STAM: variants seen among roughly 807,000 people sequenced by gnomAD.
STAM encodes signal transducing adapter molecule 1.
Under a neutral mutation model 63.4 loss-of-function variants are expected in STAM, and 16 were observed. That is an observed-to-expected ratio of 0.25 (90% CI 0.17 to 0.38). The LOEUF (loss-of-function observed/expected upper bound fraction) is 0.38, where lower values mean the gene tolerates loss of function less well. Among genes scored for constraint, STAM ranks in the 10% least tolerant of loss-of-function variants. The pLI is 1.00. For synonymous variants in STAM, 238 were observed against 223.9 expected (o/e 1.06, Z -0.56); for missense variants, 636 against 657.1 (o/e 0.97, Z 0.35).
rs143028815 is a variant in STAM at position 17,704,465 on chromosome 10, G to A, written c.947G>A (p.Ser316Asn). ...KMDQLLQMLQ[S>N]TDPSDDQPDL... ...GACCAGTTGCTACAGATGCTGCAAA[G>A]TACAGACCCCAGTGATGATCAGCCA... The change falls in exon 10 of 14, where the codon AGT becomes AAT. Residue 316 changes from serine (S) to asparagine (N), a missense_variant. Coordinates refer to ENST00000377524, the MANE Select transcript of STAM (RefSeq NM_003473.4). 3.5e-5 allele frequency: 57 copies of A among 1,614,016 alleles called. 1 individual carries two copies. The highest frequency in any genetic ancestry group is 4.6e-5 in the Non-Finnish European group (54 of 1,180,010).
At chr10:17,653,505 T>C (rs1049216542) in intron 1 of STAM, among the ~76,000 whole-genome samples, 7 of 152,192 alleles carry the variant, frequency 4.6e-5, no homozygotes, top group South Asian at 2.1e-4. Flanking sequence ...GCACAGAAGC[T>C]TTATGTTTGG....
intron 1 of STAM, among the ~76,000 whole-genome samples, chr10:17,647,020 T>A (rs1833545341): frequency 6.6e-6 from 1 of 152,216 alleles, no homozygotes; most frequent in African/African-American, 2.4e-5. Flanking sequence ...AGAGACACAA[T>A]GCTGGTGATA....
chr10:17,652,289 G>GCCA (rs1833771518), intron 1 of STAM, among the ~76,000 whole-genome samples: 1 of 152,054 alleles, frequency 6.6e-6, no homozygotes, highest in African/African-American at 2.4e-5. Context: ...GAAGAATTGT[G>GCCA]CCACTGATTT....
rs782735787 is a variant in STAM, at chr10:17,644,166, C to A, written c.-174C>A. 1.0e-5 allele frequency: 7 copies of A among 671,280 alleles called. No individual in the cohort carries two copies. The highest frequency in any genetic ancestry group is 2.9e-5 in the East Asian group (1 of 35,054). The allele number at this position is 671,280 out of a possible 1,614,324, so 41.6% of individuals were successfully genotyped here. A position where few individuals can be genotyped will look rare whatever the true frequency, so the allele number is the denominator to read the frequency against. On this transcript the variant is annotated 5_prime_UTR_variant, in exon 1 of 14. Transcript: ENST00000377524. ...TTCCTCGGCTCCTTGCTGTTGCCGC[C>A]GCCGCAGCTGCTGCCGCGGTTGGTG... is the stretch of plus-strand genomic sequence containing the variant.
In STAM at chr10:17,700,237, A is replaced by C. The variant is rs782655705; in HGVS notation, c.870A>C (p.Val290=). 137 of 1,610,852 alleles carry C rather than the reference A, an allele frequency of 8.5e-5. No individual in the cohort carries two copies. Among genetic ancestry groups the C allele is most frequent in the Non-Finnish European group, 1.1e-4 (135 of 1,178,394 alleles). ...KTVQFSDDVQ[V]ETIEPEPEPA... ...TACAATTTAGTGATGATGTTCAGGT[A>C]GAGACAATAGAACCAGAGCCGGAAC... Residue 290 remains valine (V), a synonymous_variant, in exon 9 of 14, where the codon GTA becomes GTC. Coordinates refer to ENST00000377524, the MANE Select transcript of STAM (RefSeq NM_003473.4).
chr10:17,695,375 C>T, intron 7 of STAM, 134 bp downstream of exon 7: 1 of 769,348 alleles, frequency 1.3e-6, no homozygotes, highest in Non-Finnish European at 1.9e-6. Context: ...TGACAGTTGG[C>T]TGATTTGCTT....
At chr10:17,700,672 A>G (rs61842348) in intron 9 of STAM, among the ~76,000 whole-genome samples, 14,267 of 150,630 alleles carry the variant, frequency 0.095, 729 homozygotes, top group Middle Eastern at 0.16. Context: ...GGATTTGTGT[A>G]TTTTCCATGT....
chr10:17,703,785 TAGAA>T (rs201864009), intron 9 of STAM, among the ~76,000 whole-genome samples: 2,907 of 152,068 alleles, frequency 0.019, 30 homozygotes, highest in Middle Eastern at 0.027. Flanking sequence ...GAAACACTGG[TAGAA>T]AGAAAATGTG....
At chr10:17,664,380 C>T (rs1834294540) in intron 2 of STAM, among the ~76,000 whole-genome samples, 1 of 152,122 alleles carries the variant, frequency 6.6e-6, no homozygotes, top group South Asian at 2.1e-4. Flanking sequence ...ACTTATCCAT[C>T]ATCCCAAACT....
At chr10:17,654,619 A>G (rs1229527761) in intron 1 of STAM, among the ~76,000 whole-genome samples, 1 of 152,120 alleles carries the variant, frequency 6.6e-6, no homozygotes, top group African/African-American at 2.4e-5. Context: ...GAGCACTTAG[A>G]CTGAGAGCAT....
At chr10:17,661,233 G>A (rs1475438735) in intron 2 of STAM, among the ~76,000 whole-genome samples, 1 of 152,190 alleles carries the variant, frequency 6.6e-6, no homozygotes, top group Non-Finnish European at 1.5e-5. Context: ...TTAGCCTTTA[G>A]CAGTTTCATT....
At chr10:17,665,248 T>A (rs1395251414) in intron 2 of STAM, among the ~76,000 whole-genome samples, 1 of 152,170 alleles carries the variant, frequency 6.6e-6, no homozygotes, top group East Asian at 1.9e-4. Context: ...CATATACATA[T>A]GCATATGCAT....
intron 1 of STAM, among the ~76,000 whole-genome samples, chr10:17,655,236 G>T (rs1445491506): frequency 6.6e-6 from 1 of 152,172 alleles, no homozygotes; most frequent in Non-Finnish European, 1.5e-5. Flanking sequence ...GCGTGGACTA[G>T]AAGGCTATTC....
At chr10:17,668,761 TA>T (rs1554823721) in intron 2 of STAM, among the ~76,000 whole-genome samples, 1 of 152,248 alleles carries the variant, frequency 6.6e-6, no homozygotes, top group African/African-American at 2.4e-5. Context: ...AGTATGCATT[TA>T]AGGTTCCTAC....
intron 1 of STAM, among the ~76,000 whole-genome samples, chr10:17,648,979 C>T (rs1554821240): frequency 6.6e-6 from 1 of 152,162 alleles, no homozygotes; most frequent in East Asian, 1.9e-4. Flanking sequence ...GCCTCTGTAG[C>T]TATATGGTAC....
intron 1 of STAM, among the ~76,000 whole-genome samples, chr10:17,651,428 A>G (rs1460536428): frequency 2.0e-5 from 3 of 152,236 alleles, no homozygotes; most frequent in African/African-American, 7.2e-5. Flanking sequence ...ATTGGATTCT[A>G]AGGTGTGCAA....
chr10:17,647,652 G>A (rs145888338), intron 1 of STAM, among the ~76,000 whole-genome samples: 173 of 152,166 alleles, frequency 1.1e-3, no homozygotes, highest in African/African-American at 3.9e-3. Flanking sequence ...CTGTGTCTCA[G>A]TTTCCTTATC....
chr10:17,678,312 C>T (rs537929128), intron 2 of STAM, among the ~76,000 whole-genome samples: 10 of 151,256 alleles, frequency 6.6e-5, no homozygotes, highest in South Asian at 2.1e-4. Flanking sequence ...TAGAATGCAG[C>T]GGCACAATCT....
intron 1 of STAM, 96 bp from the exon 2 acceptor site, chr10:17,660,368 A>T (rs1834116088): frequency 3.9e-6 from 3 of 763,930 alleles, no homozygotes; most frequent in Non-Finnish European, 4.1e-6. Flanking sequence ...TGTTGTTAAG[A>T]CTTGATTATA....
Sources: allele counts gnomAD v4.1 joint callset (sites outside exome capture counted in the v4.1 genomes callset), GRCh38; gene constraint gnomAD v4.1.1; transcripts MANE v1.5; gene names NCBI Gene and HGNC (gene_info 2026-07-23, HGNC 2026-07-21).